PADI2: variants seen among roughly 807,000 people sequenced by gnomAD.
PADI2 encodes the protein peptidyl arginine deiminase 2.
Under a neutral mutation model 81.1 loss-of-function variants are expected in PADI2, and 70 were observed. The ratio of observed to expected loss-of-function variants is 0.86; its 90% CI spans 0.71 to 1.05. The LOEUF (loss-of-function observed/expected upper bound fraction) is 1.05. Ranked by LOEUF, PADI2 falls within the 50% of genes least tolerant of loss-of-function variation. The probability of loss-of-function intolerance (pLI) is 0.00; values close to 1 mark genes in which losing one functional copy is unlikely to be tolerated. For missense variants in PADI2, 853 were observed against 889.9 expected (o/e 0.96, Z 0.53); for synonymous variants, 338 against 358.0 (o/e 0.94, Z 0.63).
Position 17,115,861 on chromosome 1 carries a change from C to T in PADI2, c.92+3419G>A, listed in dbSNP as rs1385017803. ...ATCACAAAGTACAATTTCTAACAAA[C>T]ACCCTACTTCCTTCTTTCTATGTAT... On this transcript the variant is annotated intron_variant, in intron 1 of 15. Transcript: ENST00000375486. The surrounding 1 kb of genome is among the most constrained non-coding windows in gnomAD (Gnocchi z 4.1). Among the ~76,000 whole-genome samples, 1 of 152,244 alleles carries T rather than the reference C, an allele frequency of 6.6e-6. No homozygotes were observed. The highest frequency in any genetic ancestry group is 1.5e-5 in the Non-Finnish European group (1 of 68,042).
Position 17,092,416 on chromosome 1 carries a change from T to G in PADI2, c.647A>C (p.Tyr216Ser). 4.4e-6 allele frequency: 7 copies of G among 1,605,324 alleles called. No individual in the cohort carries two copies. The highest frequency in any genetic ancestry group is 5.9e-6 in the Non-Finnish European group (7 of 1,176,472). Residue 216 changes from tyrosine (Y) to serine (S), a missense_variant, in exon 6 of 16, where the codon TAC becomes TCC. Coordinates refer to ENST00000375486, the MANE Select transcript of PADI2 (RefSeq NM_007365.3). ...GGGCTGGGATCACTCACTCTCCACG[T>G]AGAACACGCCCACTTTGTCTGAGTC... is the stretch of plus-strand genomic sequence containing the variant. ...MSDSDKVGVF[Y>S]VENPFFGQRY...
chr1:17,094,788 T>A lies in PADI2; in HGVS notation c.412-1104A>T, dbSNP rs568557066. Among the ~76,000 whole-genome samples the A allele has an allele frequency of 3.9e-5, 6 of 152,240 alleles. No homozygotes were observed. In the South Asian group the frequency reaches 1.2e-3, roughly 31 times the overall value. On this transcript the variant is annotated intron_variant, in intron 4 of 15. Transcript: ENST00000375486. ...GGGGATCGTGTGACTTTCCCAAGACTGCCCAGCCCCTTGGGGGAGGTTGGA... is the reference window on the plus strand; with the variant it reads ...GGGGATCGTGTGACTTTCCCAAGACAGCCCAGCCCCTTGGGGGAGGTTGGA...
At chr1:17,112,239 C>G (rs1420714311) in intron 1 of PADI2, among the ~76,000 whole-genome samples, 1 of 152,088 alleles carries the variant, frequency 6.6e-6, no homozygotes, top group East Asian at 1.9e-4. Context: ...ACAAACGACA[C>G]TTGCCCAGTC....
chr1:17,088,204 C>A (rs72895901), intron 6 of PADI2, among the ~76,000 whole-genome samples: 1 of 152,018 alleles, frequency 6.6e-6, no homozygotes, highest in Non-Finnish European at 1.5e-5. Flanking sequence ...GATGCCCTTG[C>A]GGGTTGGCAG....
chr1:17,101,454 C>T (rs182632005), intron 3 of PADI2, among the ~76,000 whole-genome samples: 1 of 152,136 alleles, frequency 6.6e-6, no homozygotes, highest in African/African-American at 2.4e-5. Flanking sequence ...TCTGAGACTG[C>T]CTGGATGCTG....
At chr1:17,101,027 A>AT (rs958082942) in intron 3 of PADI2, among the ~76,000 whole-genome samples, 2 of 149,718 alleles carry the variant, frequency 1.3e-5, no homozygotes, top group Admixed American at 6.7e-5. Flanking sequence ...TAGTGTTCTC[A>AT]TTTTTTGGGG....
At chr1:17,100,367 C>T (rs1931099927) in intron 3 of PADI2, among the ~76,000 whole-genome samples, 1 of 152,184 alleles carries the variant, frequency 6.6e-6, no homozygotes, top group African/African-American at 2.4e-5. Context: ...TCACTGCAAC[C>T]TCTGTCTCCT....
intron 9 of PADI2, 78 bp from the exon 10 acceptor site, chr1:17,082,730 C>G: frequency 2.4e-6 from 2 of 830,286 alleles, no homozygotes; most frequent in Non-Finnish European, 4.0e-6. Flanking sequence ...TCGAGAAACA[C>G]AAGAGCACAA....
intron 6 of PADI2, among the ~76,000 whole-genome samples, chr1:17,087,603 C>T (rs1401002487): frequency 4.6e-5 from 7 of 152,150 alleles, no homozygotes; most frequent in South Asian, 4.2e-4. Flanking sequence ...TGGGTTCAAG[C>T]GATTCTCCTG....
chr1:17,103,090 G>C (rs747608395), intron 2 of PADI2, 31 bp from the exon 3 acceptor site: 12 of 1,496,748 alleles, frequency 8.0e-6, no homozygotes, highest in Non-Finnish European at 1.0e-5. Flanking sequence ...TTGGAGTAGA[G>C]AGAAAAGAGA....
intron 1 of PADI2, among the ~76,000 whole-genome samples, chr1:17,112,627 G>T (rs1462613438): frequency 6.6e-6 from 1 of 152,116 alleles, no homozygotes; most frequent in East Asian, 1.9e-4. Context: ...CCTCACACCT[G>T]GTGCTCGGCA....
Position 17,079,275 on chromosome 1 carries a change from G to T in PADI2, c.1299C>A (p.Ser433Arg), listed in dbSNP as rs746112762. 5.0e-6 allele frequency: 8 copies of T among 1,613,462 alleles called. No individual in the cohort carries two copies. The Admixed American group carries it at 6.7e-5, about 13-fold the overall frequency. The part of the protein sequence containing the change: ...TYPLGRILIG[S>R]SFPLSGGRRM... Reference sequence around the variant, plus strand: ...CTGGCTTCTCTTACAGAGGAAAGCTGCTCCCGATGAGGATGCGGCCAAGCG... The same window carrying T: ...CTGGCTTCTCTTACAGAGGAAAGCTTCTCCCGATGAGGATGCGGCCAAGCG... Residue 433 changes from serine (S) to arginine (R), a missense_variant, in exon 11 of 16, where the codon AGC (serine) becomes AGA (arginine). Physicochemically the swap from Ser to Arg is moderately radical, Grantham distance 110. Coordinates refer to ENST00000375486, the MANE Select transcript of PADI2 (RefSeq NM_007365.3).
intron 2 of PADI2, among the ~76,000 whole-genome samples, chr1:17,104,045 G>A (rs1185906160): frequency 6.6e-6 from 1 of 151,578 alleles, no homozygotes; most frequent in East Asian, 2.0e-4. Flanking sequence ...CACTTTGGGA[G>A]GCCAAGGTGG....
chr1:17,069,962 C>T, intron 15 of PADI2, 126 bp downstream of exon 15: 1 of 1,109,258 alleles, frequency 9.0e-7, no homozygotes, highest in Non-Finnish European at 1.3e-6. Context: ...GAGGTGAGGT[C>T]ACACAGCAGC....
chr1:17,106,081 G>A (rs551673831), intron 1 of PADI2, among the ~76,000 whole-genome samples: 42 of 152,296 alleles, frequency 2.8e-4, no homozygotes, highest in African/African-American at 1.0e-3. Flanking sequence ...ATGGAGCCCA[G>A]TGCCTGGGTC....
intron 1 of PADI2, among the ~76,000 whole-genome samples, chr1:17,106,251 A>C (rs937723278): frequency 8.5e-5 from 13 of 152,164 alleles, no homozygotes; most frequent in African/African-American, 3.1e-4. Context: ...TTGAATTCCG[A>C]AATTCAAGAA....
intron 1 of PADI2, among the ~76,000 whole-genome samples, chr1:17,109,234 A>G (rs2101610062): frequency 6.6e-6 from 1 of 151,790 alleles, no homozygotes; most frequent in African/African-American, 2.4e-5. Context: ...AAAAAAATAC[A>G]AAAATTAGCC....
intron 6 of PADI2, among the ~76,000 whole-genome samples, chr1:17,090,425 C>A (rs776125672): frequency 7.9e-5 from 12 of 152,218 alleles, no homozygotes; most frequent in Non-Finnish European, 1.6e-4. Context: ...CAGTCTCCAA[C>A]CCAGCCCCCT....
chr1:17,114,679 C>T (rs1179238640), intron 1 of PADI2, among the ~76,000 whole-genome samples: 3 of 144,966 alleles, frequency 2.1e-5, no homozygotes, highest in Non-Finnish European at 4.4e-5. Context: ...AAACAGAGTT[C>T]TCGGGACTCA....
Sources: allele counts gnomAD v4.1 joint callset (sites outside exome capture counted in the v4.1 genomes callset), GRCh38; gene constraint gnomAD v4.1.1; non-coding constraint Gnocchi (gnomAD v3.1); transcripts MANE v1.5; gene names NCBI Gene and HGNC (gene_info 2026-07-23, HGNC 2026-07-21).